The following ANKH variants were observed in gnomAD, a reference collection of about 807,000 sequenced individuals.
ANKH encodes the protein ANKH inorganic pyrophosphate transport regulator, also known as mineralization regulator ANKH.
Under a neutral mutation model 49.0 loss-of-function variants are expected in ANKH, and 15 were observed. The observed-to-expected ratio is 0.31, with a 90% CI of 0.20 to 0.47. The LOEUF (loss-of-function observed/expected upper bound fraction) is 0.47, where lower values mean the gene tolerates loss of function less well. Ranked by LOEUF, ANKH falls within the 20% of genes least tolerant of loss-of-function variation. The pLI, the probability that ANKH is intolerant of heterozygous loss-of-function variation, is 1.00. For missense variants in ANKH, 429 were observed against 652.0 expected (o/e 0.66, Z 3.72); for synonymous variants, 273 against 260.0 (o/e 1.05, Z -0.48).
rs373697133 is a variant in ANKH, at chr5:14,861,103, G to C, written c.96+10249C>G. On this transcript the variant is annotated intron_variant, in intron 1 of 11. Transcript: ENST00000284268. Reference sequence around the variant, plus strand: ...TACATATATTTTTTAAGTGAAGCAAGGGTTCTGAAAAGCTTACTAATGTGG... The same window carrying C: ...TACATATATTTTTTAAGTGAAGCAACGGTTCTGAAAAGCTTACTAATGTGG... 6.6e-4 allele frequency among the ~76,000 whole-genome samples: 100 copies of C among 152,196 alleles called. 1 individual carries two copies. The South Asian group carries it at 0.021, about 31-fold the overall frequency.
chr5:14,782,059 C>A (rs913998554), intron 1 of ANKH, among the ~76,000 whole-genome samples: 7 of 152,040 alleles, frequency 4.6e-5, no homozygotes, highest in Admixed American at 4.6e-4. Context: ...TGGCTGTGGA[C>A]CCTAAGCAGC....
At chr5:14,864,466 T>C (rs1420790728) in intron 1 of ANKH, among the ~76,000 whole-genome samples, 3 of 152,180 alleles carry the variant, frequency 2.0e-5, no homozygotes, top group Non-Finnish European at 4.4e-5. Context: ...TAAATGCAGA[T>C]GGACATCTAA....
chr5:14,762,693 C>T (rs1347589301), intron 2 of ANKH, among the ~76,000 whole-genome samples: 5 of 151,482 alleles, frequency 3.3e-5, no homozygotes, highest in Non-Finnish European at 1.5e-5. Flanking sequence ...GGGCGACTCC[C>T]TCCCTCCCAT....
chr5:14,811,964 A>AT (rs1740895466), intron 1 of ANKH, among the ~76,000 whole-genome samples: 1 of 152,192 alleles, frequency 6.6e-6, no homozygotes, highest in Admixed American at 6.5e-5. Flanking sequence ...CACCTTTTAG[A>AT]AGTCTGAATG....
At chr5:14,853,892 GAT>G (rs1292330907) in intron 1 of ANKH, among the ~76,000 whole-genome samples, 1 of 152,042 alleles carries the variant, frequency 6.6e-6, no homozygotes, top group Non-Finnish European at 1.5e-5. Context: ...TATACACAAA[GAT>G]AGAGCAAACC....
intron 8 of ANKH, among the ~76,000 whole-genome samples, chr5:14,723,356 TAA>T (rs112862391): frequency 6.7e-6 from 1 of 148,764 alleles, no homozygotes; most frequent in African/African-American, 2.5e-5. Context: ...ATTCTTTTTT[TAA>T]AAAAAAAAAA....
At chr5:14,749,426 G>T in intron 5 of ANKH, 120 bp from the exon 6 acceptor site, 1 of 1,118,428 alleles carries the variant, frequency 8.9e-7, no homozygotes, top group Non-Finnish European at 1.3e-6. Flanking sequence ...ATACTTGAAA[G>T]TAATATAAGG....
chr5:14,709,591 C>A lies in ANKH; in HGVS notation c.*1606G>T, dbSNP rs540939490. ...GAAAACGGTAGACACAAAGGGCCTGCCTTTTTCTTTCTCATTTTTGCCTTT... is the reference window on the plus strand; with the variant it reads ...GAAAACGGTAGACACAAAGGGCCTGACTTTTTCTTTCTCATTTTTGCCTTT... On this transcript the variant is annotated 3_prime_UTR_variant, in exon 12 of 12. Coordinates refer to ENST00000284268, the MANE Select transcript of ANKH (RefSeq NM_054027.6). The A allele has an allele frequency of 6.6e-6, 1 of 152,328 alleles. No homozygotes were observed. Among genetic ancestry groups the A allele is most frequent in the Admixed American group, 6.5e-5 (1 of 15,300 alleles). The allele number at this position is 152,328 out of a possible 1,614,324, so 9.4% of individuals were successfully genotyped here.
intron 1 of ANKH, among the ~76,000 whole-genome samples, chr5:14,794,951 T>C (rs1342717974): frequency 6.6e-6 from 1 of 152,256 alleles, no homozygotes; most frequent in Non-Finnish European, 1.5e-5. Flanking sequence ...GTACTGTGTA[T>C]GTTCTGAGAT....
chr5:14,767,607 C>G (rs1399732265), intron 2 of ANKH, among the ~76,000 whole-genome samples: 1 of 152,158 alleles, frequency 6.6e-6, no homozygotes, highest in African/African-American at 2.4e-5. Flanking sequence ...CTTAGCTTTT[C>G]TCTTCCAGAA....
chr5:14,707,333 C>T lies in ANKH; in HGVS notation c.*3864G>A, dbSNP rs755947930. On this transcript the variant is annotated 3_prime_UTR_variant, in exon 12 of 12. Transcript: ENST00000284268. ...CCAGTCAGCTACTGAGTCTTCAAAT[C>T]GATGTGTTCCTAGAAACCAAGGATA... 6.6e-6 allele frequency: 1 copy of T among 151,792 alleles called. No individual in the cohort carries two copies. The highest frequency in any genetic ancestry group is 1.9e-4 in the East Asian group (1 of 5,194). The allele number at this position is 151,792 out of a possible 1,614,324, so 9.4% of individuals were successfully genotyped here. A position where few individuals can be genotyped will look rare whatever the true frequency, so the allele number is the denominator to read the frequency against.
intron 4 of ANKH, among the ~76,000 whole-genome samples, chr5:14,751,720 A>G (rs1259934315): frequency 6.8e-6 from 1 of 147,854 alleles, no homozygotes; most frequent in Admixed American, 7.0e-5. Flanking sequence ...AAAACAAACA[A>G]AAAAACACCC....
chr5:14,765,933 A>C (rs530385274), intron 2 of ANKH, among the ~76,000 whole-genome samples: 3 of 152,256 alleles, frequency 2.0e-5, no homozygotes, highest in Admixed American at 6.5e-5. Context: ...ATTAGTAAAT[A>C]GTGAAAAGTA....
chr5:14,829,981 C>A (rs1405752226), intron 1 of ANKH, among the ~76,000 whole-genome samples: 4 of 152,086 alleles, frequency 2.6e-5, no homozygotes, highest in African/African-American at 4.8e-5. Flanking sequence ...TCTGGTTTTG[C>A]AATTTCTGGA....
intron 1 of ANKH, among the ~76,000 whole-genome samples, chr5:14,839,604 G>A (rs980296250): frequency 1.3e-5 from 2 of 151,456 alleles, no homozygotes; most frequent in African/African-American, 4.9e-5. Flanking sequence ...GCTAGATTTT[G>A]ATCAGTCTCC....
chr5:14,781,674 G>T (rs1739810644), intron 1 of ANKH, among the ~76,000 whole-genome samples: 1 of 152,148 alleles, frequency 6.6e-6, no homozygotes, highest in Non-Finnish European at 1.5e-5. Flanking sequence ...TATTCACCCA[G>T]CTAAATTTAA....
At chr5:14,711,460 A>G in intron 11 of ANKH, 150 bp from the exon 12 acceptor site, 1 of 679,278 alleles carries the variant, frequency 1.5e-6, no homozygotes, top group Non-Finnish European at 2.6e-6. Context: ...CCTCTTTTGC[A>G]TCTTAGCTCA....
At chr5:14,823,434 A>G (rs1741251127) in intron 1 of ANKH, among the ~76,000 whole-genome samples, 1 of 152,250 alleles carries the variant, frequency 6.6e-6, no homozygotes, top group African/African-American at 2.4e-5. Context: ...TTTGCAGTGG[A>G]AATGAACAAT....
At chr5:14,792,039 C>A (rs1001176276) in intron 1 of ANKH, among the ~76,000 whole-genome samples, 1 of 152,136 alleles carries the variant, frequency 6.6e-6, no homozygotes, top group African/African-American at 2.4e-5. Context: ...GAGCAAGCTG[C>A]CTGTGCTGAA....
Sources: gnomAD v4.1 joint callset for allele counts (sites outside exome capture counted in the v4.1 genomes callset) on GRCh38, gnomAD v4.1.1 for gene constraint, MANE v1.5 for transcripts, NCBI Gene and HGNC (gene_info 2026-07-23, HGNC 2026-07-21) for gene names.